Variants in STARD10 observed in about 807,000 individuals in gnomAD.
STARD10 encodes the protein START domain-containing protein 10.
STARD10 carries 24 observed loss-of-function variants against 36.0 expected under a neutral mutation model. The ratio of observed to expected loss-of-function variants is 0.67; its 90% CI spans 0.48 to 0.94. The LOEUF (loss-of-function observed/expected upper bound fraction) is 0.94. STARD10 is among the 40% of genes least tolerant of loss of function. STARD10 has a pLI of 0.00. For synonymous variants in STARD10, 156 were observed against 161.9 expected (o/e 0.96, Z 0.28); for missense variants, 335 against 396.6 (o/e 0.84, Z 1.32).
Position 72,781,059 on chromosome 11 carries a change from C to A in STARD10, c.123G>T (p.Val41=), listed in dbSNP as rs757987498. 11 of 1,614,048 alleles carry A rather than the reference C, an allele frequency of 6.8e-6. No homozygotes were observed. The highest frequency in any genetic ancestry group is 2.2e-5 in the South Asian group (2 of 91,094). Residue 41 remains valine (V), a synonymous_variant, in exon 2 of 7, where the codon GTG becomes GTT. Transcript: ENST00000334805. This position sits in a 1 kb window ranked among gnomAD's most constrained non-coding sequence, Gnocchi z 4.7. ...CCCTGCTATAGGTCAGGTTCCAGCC[C>A]ACCTCAGCCTCACACTCTGACCGGA... ...RSFRSECEAE[V]GWNLTYSRAG...
At chr11:72,790,160 C>T (rs1591274611) in intron 1 of STARD10, among the ~76,000 whole-genome samples, 2 of 152,348 alleles carry the variant, frequency 1.3e-5, no homozygotes, top group East Asian at 3.9e-4. Context: ...CTTCCCAACC[C>T]TCCCTGCAAA....
chr11:72,761,229 G>A (rs12287469), intron 2 of STARD10, among the ~76,000 whole-genome samples: 9,950 of 152,118 alleles, frequency 0.065, 1,120 homozygotes, highest in African/African-American at 0.23. Flanking sequence ...TCATTCCACG[G>A]GACTCCTGGC....
Position 72,780,984 on chromosome 11 carries a change from G to C in STARD10, c.198C>G (p.His66Gln), listed in dbSNP as rs558713579. The change falls in exon 2 of 7, where the codon CAC becomes CAG. Residue 66 changes from histidine (H) to glutamine (Q), a missense_variant. Transcript: ENST00000334805. ...VQAVEMDRTL[H>Q]KIKCRMECCD... ...TAGCGGGCAACCCTACCTTGATCTT[G>C]TGCAGCGTCCGATCCATCTCCACAG... 2 of 1,614,166 alleles carry C rather than the reference G, an allele frequency of 1.2e-6. No homozygotes were observed. Among genetic ancestry groups the C allele is most frequent in the South Asian group, 1.1e-5 (1 of 91,086 alleles).
chr11:72,774,103 G>A (rs1000475415), intron 2 of STARD10, among the ~76,000 whole-genome samples: 1 of 152,220 alleles, frequency 6.6e-6, no homozygotes, highest in African/African-American at 2.4e-5. Context: ...GCAGGGGCAG[G>A]AGATGGTGGA....
intron 1 of STARD10, among the ~76,000 whole-genome samples, chr11:72,786,417 C>T (rs481206): frequency 0.31 from 47,046 of 152,046 alleles, 7,413 homozygotes; most frequent in Middle Eastern, 0.36. Flanking sequence ...AGGGCTGGCT[C>T]GGCCTTGAGA....
At position 72,755,082 on chromosome 11, in the gene STARD10, G is replaced by A. The variant is rs1006325347; in HGVS notation, c.691C>T (p.Pro231Ser). The A allele has an allele frequency of 5.6e-6, 9 of 1,613,322 alleles. No individual in the cohort carries two copies. Among genetic ancestry groups the A allele is most frequent in the Admixed American group, 1.7e-5 (1 of 59,914 alleles). ...KYPEWKQKHL[P>S]HFKPWLHPEQ... ...GGGTGCAGCCACGGCTTGAAGTGAG[G>A]CAGGTGCTTCTGTTTCCACTCGGGG... The change falls in exon 7 of 7, where the codon CCT becomes TCT. Residue 231 changes from proline to serine, a missense_variant. Physicochemically the swap from Pro to Ser is moderately conservative, Grantham distance 74. Coordinates refer to ENST00000334805, the MANE Select transcript of STARD10 (RefSeq NM_006645.3).
chr11:72,755,603 G>A (rs779968321), intron 6 of STARD10, 98 bp downstream of exon 6: 7 of 1,401,452 alleles, frequency 5.0e-6, no homozygotes, highest in African/African-American at 1.4e-5. Context: ...GAGCCACCAC[G>A]CCTGGCCCTC....
At position 72,757,965 on chromosome 11, in the gene STARD10, G is replaced by A. The variant is rs996441923; in HGVS notation, c.460-81C>T. 101 of 1,140,726 alleles carry A rather than the reference G, an allele frequency of 8.9e-5. No homozygotes were observed. In the Admixed American group the frequency reaches 1.1e-3, roughly 12 times the overall value. The allele number at this position is 1,140,726 out of a possible 1,614,324, so 70.7% of individuals were successfully genotyped here. The stretch of plus-strand genomic sequence containing the variant: ...TTTGTGAGTATACACAAACGCGCAC[G>A]CGCACACACACATACAGTTAATTCA... On this transcript the variant is annotated intron_variant, in intron 4 of 6. Coordinates refer to ENST00000334805, the MANE Select transcript of STARD10 (RefSeq NM_006645.3).
intron 6 of STARD10, 164 bp from the exon 7 acceptor site, chr11:72,755,306 CTTTT>C (rs542293512): frequency 5.9e-3 from 2,092 of 353,936 alleles, no homozygotes; most frequent in African/African-American, 0.012. Flanking sequence ...ATTCTCCATT[CTTTT>C]TTTTTTTTTT....
chr11:72,784,601 T>C (rs1859047640), intron 1 of STARD10, among the ~76,000 whole-genome samples: 2 of 152,202 alleles, frequency 1.3e-5, no homozygotes, highest in African/African-American at 4.8e-5. Context: ...GTTTTGATTC[T>C]CATGGAAGAT....
At chr11:72,791,865 G>C (rs925564484) in intron 1 of STARD10, among the ~76,000 whole-genome samples, 1 of 151,608 alleles carries the variant, frequency 6.6e-6, no homozygotes, top group African/African-American at 2.4e-5. Flanking sequence ...TTTTGTTGTT[G>C]TGTTTTGTTT....
At chr11:72,768,760 T>G (rs1045880487) in intron 2 of STARD10, among the ~76,000 whole-genome samples, 4 of 152,194 alleles carry the variant, frequency 2.6e-5, no homozygotes, top group Non-Finnish European at 4.4e-5. Flanking sequence ...CCCCTCAGCA[T>G]GCGTTGTCAT....
At chr11:72,783,792 G>A (rs1217784555) in intron 1 of STARD10, among the ~76,000 whole-genome samples, 1 of 152,112 alleles carries the variant, frequency 6.6e-6, no homozygotes, top group Non-Finnish European at 1.5e-5. Flanking sequence ...GGGTAAAAAA[G>A]ACAAGGCCAG....
intron 3 of STARD10, 78 bp from the exon 4 acceptor site, chr11:72,758,711 T>C: frequency 9.9e-7 from 1 of 1,014,198 alleles, no homozygotes; most frequent in African/African-American, 1.6e-5. Flanking sequence ...AGGCCAGAGA[T>C]GCAGGGATGC....
At chr11:72,770,926 G>C (rs1858846596) in intron 2 of STARD10, among the ~76,000 whole-genome samples, 1 of 152,246 alleles carries the variant, frequency 6.6e-6, no homozygotes, top group African/African-American at 2.4e-5. Context: ...AAGCACAAAA[G>C]TGGGAAATGG....
intron 4 of STARD10, 61 bp downstream of exon 4, chr11:72,758,469 T>C: frequency 1.4e-6 from 2 of 1,396,872 alleles, no homozygotes; most frequent in Non-Finnish European, 2.0e-6. Flanking sequence ...GGTGGCAGCC[T>C]CAGCCTTGCG....
At chr11:72,763,310 G>A (rs1215776144) in intron 2 of STARD10, among the ~76,000 whole-genome samples, 2 of 152,174 alleles carry the variant, frequency 1.3e-5, no homozygotes, top group Non-Finnish European at 2.9e-5. Flanking sequence ...TGAGGAATGG[G>A]GGATTTACAT....
At chr11:72,787,635 G>A (rs1859090986) in intron 1 of STARD10, among the ~76,000 whole-genome samples, 2 of 152,234 alleles carry the variant, frequency 1.3e-5, no homozygotes, top group Admixed American at 1.3e-4. Context: ...TTCGATTGCG[G>A]GGTCGATGCG....
At chr11:72,765,440 A>G (rs1326856330) in intron 2 of STARD10, among the ~76,000 whole-genome samples, 3 of 152,038 alleles carry the variant, frequency 2.0e-5, no homozygotes, top group African/African-American at 4.8e-5. Flanking sequence ...CAGCTCCCCA[A>G]TTCCCATGAA....
Sources: allele counts gnomAD v4.1 joint callset (sites outside exome capture counted in the v4.1 genomes callset), GRCh38; gene constraint gnomAD v4.1.1; non-coding constraint Gnocchi (gnomAD v3.1); transcripts MANE v1.5; gene names NCBI Gene and HGNC (gene_info 2026-07-23, HGNC 2026-07-21).